The following JCAD variants were observed in gnomAD, a reference collection of about 807,000 sequenced individuals.
JCAD encodes the protein junctional cadherin 5-associated protein.
Under a neutral mutation model 98.0 loss-of-function variants are expected in JCAD, and 40 were observed. The observed-to-expected ratio is 0.41, with a 90% CI of 0.32 to 0.53. The LOEUF is 0.53. Among genes scored for constraint, JCAD ranks in the 20% least tolerant of loss-of-function variants. The pLI, the probability that JCAD is intolerant of heterozygous loss-of-function variation, is 0.31. For synonymous variants in JCAD, 691 were observed against 682.3 expected, an observed-to-expected ratio of 1.01 and a Z score of -0.20; for missense variants, 1,705 against 1,738.1, an observed-to-expected ratio of 0.98 and a Z score of 0.34.
intron 1 of JCAD, among the ~76,000 whole-genome samples, chr10:30,085,993 A>T (rs1170037014): frequency 6.6e-6 from 1 of 152,218 alleles, no homozygotes; most frequent in Non-Finnish European, 1.5e-5. Context: ...GGTGAGTTGC[A>T]GGCAAAATGT....
chr10:30,052,586 T>C (rs992178548), intron 1 of JCAD, among the ~76,000 whole-genome samples: 2 of 151,494 alleles, frequency 1.3e-5, no homozygotes, highest in Admixed American at 6.6e-5. Context: ...AGGAAAGGAG[T>C]GGGCTAGGGA....
chr10:30,105,346 TTTTC>T (rs1334926631), intron 1 of JCAD, among the ~76,000 whole-genome samples: 1 of 151,016 alleles, frequency 6.6e-6, no homozygotes, highest in African/African-American at 2.4e-5. Flanking sequence ...GTCTGTTTTC[TTTTC>T]TTTCTTTCTT....
intron 2 of JCAD, among the ~76,000 whole-genome samples, chr10:30,047,172 G>C (rs1167373922): frequency 6.6e-6 from 1 of 152,040 alleles, no homozygotes; most frequent in Non-Finnish European, 1.5e-5. Context: ...AGGAGTTCGA[G>C]ACCAGCCTGA....
At chr10:30,033,771 G>A (rs149691702) in intron 2 of JCAD, among the ~76,000 whole-genome samples, 25 of 152,328 alleles carry the variant, frequency 1.6e-4, no homozygotes, top group South Asian at 4.1e-4. Context: ...GTGAAGCCTG[G>A]AAGAGTCCCT....
chr10:30,113,548 CAA>C (rs71023545), intron 1 of JCAD, among the ~76,000 whole-genome samples: 5 of 15,966 alleles, frequency 3.1e-4, no homozygotes, highest in African/African-American at 8.2e-4. Context: ...GAGACACTGT[CAA>C]AAAAAAAAAA....
intron 1 of JCAD, among the ~76,000 whole-genome samples, chr10:30,106,502 CAGA>C (rs1339353069): frequency 2.0e-5 from 3 of 151,998 alleles, no homozygotes; most frequent in African/African-American, 7.3e-5. Context: ...TAGAGTAGCA[CAGA>C]AGATTAGTTT....
intron 1 of JCAD, among the ~76,000 whole-genome samples, chr10:30,083,904 A>T (rs1343737542): frequency 1.3e-5 from 2 of 152,104 alleles, no homozygotes; most frequent in Non-Finnish European, 2.9e-5. Flanking sequence ...ACACACCTCT[A>T]GTCCCAGCTG....
chr10:30,023,846 T>C (rs1589676572), intron 3 of JCAD, among the ~76,000 whole-genome samples: 3 of 152,162 alleles, frequency 2.0e-5, no homozygotes, highest in South Asian at 2.1e-4. Flanking sequence ...TCACACTAAA[T>C]AGTCAAGTTA....
At chr10:30,071,729 G>A (rs979962878) in intron 1 of JCAD, among the ~76,000 whole-genome samples, 23 of 152,116 alleles carry the variant, frequency 1.5e-4, no homozygotes, top group African/African-American at 5.6e-4. Flanking sequence ...AAGGAGCCAA[G>A]ATCGCACCAC....
chr10:30,086,750 C>T (rs1451748335), intron 1 of JCAD, among the ~76,000 whole-genome samples: 1 of 152,224 alleles, frequency 6.6e-6, no homozygotes, highest in Non-Finnish European at 1.5e-5. Context: ...CAAACTCTTT[C>T]CAATCTGATG....
At chr10:30,058,027 C>T (rs1396931701) in intron 1 of JCAD, among the ~76,000 whole-genome samples, 3 of 152,182 alleles carry the variant, frequency 2.0e-5, no homozygotes, top group African/African-American at 7.2e-5. Flanking sequence ...CAAAGTTTTA[C>T]CTGTACAGCC....
At chr10:30,099,830 C>G (rs1564472158) in intron 1 of JCAD, among the ~76,000 whole-genome samples, 1 of 152,046 alleles carries the variant, frequency 6.6e-6, no homozygotes, top group Non-Finnish European at 1.5e-5. Context: ...TCGATTACCT[C>G]CTCCACCCTG....
chr10:30,053,378 T>C (rs1027045934), intron 1 of JCAD, among the ~76,000 whole-genome samples: 4 of 151,784 alleles, frequency 2.6e-5, no homozygotes, highest in Non-Finnish European at 4.4e-5. Context: ...CTGGCCAATA[T>C]GGTGAAACCC....
intron 1 of JCAD, among the ~76,000 whole-genome samples, chr10:30,090,032 G>C (rs778071747): frequency 6.6e-6 from 1 of 152,202 alleles, no homozygotes; most frequent in Non-Finnish European, 1.5e-5. Flanking sequence ...TTCTCAACCT[G>C]ATGGGTGCTT....
chr10:30,035,259 C>T (rs1837085138), intron 2 of JCAD, among the ~76,000 whole-genome samples: 1 of 152,208 alleles, frequency 6.6e-6, no homozygotes, highest in South Asian at 2.1e-4. Flanking sequence ...ATCACTTTAA[C>T]TTTGTCAAAA....
intron 1 of JCAD, among the ~76,000 whole-genome samples, chr10:30,113,664 G>A (rs1006671262): frequency 1.3e-5 from 2 of 150,826 alleles, no homozygotes; most frequent in African/African-American, 2.4e-5. Flanking sequence ...CTCCTCATAG[G>A]GCGACTTCTG....
intron 1 of JCAD, among the ~76,000 whole-genome samples, chr10:30,100,445 G>A (rs1333137080): frequency 1.3e-5 from 2 of 152,162 alleles, no homozygotes; most frequent in South Asian, 4.2e-4. Context: ...GCAGTGACGC[G>A]ATCTCGGTTC....
intron 2 of JCAD, among the ~76,000 whole-genome samples, chr10:30,045,780 A>G (rs1248145709): frequency 6.6e-6 from 1 of 152,184 alleles, no homozygotes; most frequent in Non-Finnish European, 1.5e-5. Context: ...TTCCCCCCTG[A>G]GCCTGGCTCC....
At position 30,028,394 on chromosome 10, in the gene JCAD, A is replaced by G. The variant is rs1490401565; in HGVS notation, c.1754T>C (p.Ile585Thr). The G allele has an allele frequency of 4.3e-6, 7 of 1,614,204 alleles. No individual in the cohort carries two copies. The highest frequency in any genetic ancestry group is 8.5e-7 in the Non-Finnish European group (1 of 1,180,046). Residue 585 changes from isoleucine (I) to threonine (T), a missense_variant, in exon 3 of 4, where the codon ATC becomes ACC. By Grantham distance (89) the Ile-to-Thr change is moderately conservative (BLOSUM62 -1). Around this residue, in one of 3 missense-constraint regions of JCAD, gnomAD observed 1,278 missense variants for 1,243.1 expected, o/e 1.03. Coordinates refer to ENST00000375377, the MANE Select transcript of JCAD (RefSeq NM_020848.4). ...CAGATGTGATTCTGATTTCACTGGG[A>G]TAGAAACCAAGCAAAATATAGTCTC... is the stretch of plus-strand genomic sequence containing the variant. ...MNETIFCLVS[I>T]PVKSESHLPD...
Sources: allele counts gnomAD v4.1 joint callset (sites outside exome capture counted in the v4.1 genomes callset), GRCh38; gene constraint gnomAD v4.1.1; regional missense constraint gnomAD v4.1.1; transcripts MANE v1.5; gene names NCBI Gene and HGNC (gene_info 2026-07-23, HGNC 2026-07-21).